ENTHD1: variants seen among roughly 807,000 people sequenced by gnomAD.
The protein encoded by ENTHD1 is ENTH domain-containing protein 1.
Under a neutral mutation model 39.1 loss-of-function variants are expected in ENTHD1, and 23 were observed. That is an observed-to-expected ratio of 0.59 (90% CI 0.42 to 0.83). ENTHD1 has a LOEUF of 0.83. ENTHD1 is among the 40% of genes least tolerant of loss of function. The pLI is 0.00. For synonymous variants in ENTHD1, 230 were observed against 258.2 expected, an observed-to-expected ratio of 0.89 and a Z score of 1.05; for missense variants, 624 against 705.4, an observed-to-expected ratio of 0.88 and a Z score of 1.31.
chr22:39,866,722 C>T (rs957160582), intron 2 of ENTHD1, among the ~76,000 whole-genome samples: 3 of 152,254 alleles, frequency 2.0e-5, no homozygotes, highest in Non-Finnish European at 4.4e-5. Context: ...CAGTACCTTA[C>T]CCTTGTCCTT....
intron 2 of ENTHD1, among the ~76,000 whole-genome samples, chr22:39,877,364 G>T (rs1241404557): frequency 6.6e-6 from 1 of 152,196 alleles, no homozygotes; most frequent in Non-Finnish European, 1.5e-5. Flanking sequence ...AAAAGTTGGA[G>T]TCGCCACTCC....
chr22:39,837,435 ATCT>A (rs1569161407), intron 3 of ENTHD1, among the ~76,000 whole-genome samples: 2 of 152,174 alleles, frequency 1.3e-5, no homozygotes, highest in Non-Finnish European at 2.9e-5. Flanking sequence ...AGAAAGGCAT[ATCT>A]TCACCCATCT....
chr22:39,842,856 A>G (rs1277756898), intron 3 of ENTHD1, among the ~76,000 whole-genome samples: 1 of 148,598 alleles, frequency 6.7e-6, no homozygotes, highest in Non-Finnish European at 1.5e-5. Flanking sequence ...AACACATGAA[A>G]AAATGCTCAT....
chr22:39,827,250 C>G lies in ENTHD1; in HGVS notation c.712-6137G>C, dbSNP rs369341060. 1.1e-3 allele frequency among the ~76,000 whole-genome samples: 168 copies of G among 152,124 alleles called. 4 individuals are homozygous for G. The East Asian group carries it at 0.024, about 22-fold the overall frequency. ...CAGGATGGTCTCGATCTTCTGACCTCGTGATCCACCCGCCTCAGCCTCTCA... is the reference window on the plus strand; with the variant it reads ...CAGGATGGTCTCGATCTTCTGACCTGGTGATCCACCCGCCTCAGCCTCTCA... On this transcript the variant is annotated intron_variant, in intron 4 of 6. Transcript: ENST00000325157.
At chr22:39,845,029 A>C (rs974151935) in intron 3 of ENTHD1, among the ~76,000 whole-genome samples, 1 of 151,934 alleles carries the variant, frequency 6.6e-6, no homozygotes, top group African/African-American at 2.4e-5. Flanking sequence ...ATTCTAAAGA[A>C]GACCATACAT....
rs138328900 is a variant in ENTHD1, at chr22:39,833,106, C to T, written c.711+2734G>A. Among the ~76,000 whole-genome samples the T allele has an allele frequency of 6.6e-4, 100 of 152,222 alleles. 1 individual carries two copies. The highest frequency in any genetic ancestry group is 2.3e-3 in the African/African-American group (97 of 41,506). ...GGTTTGCAATTTAAGAAGTGTCTCC[C>T]CCTAAGGCTACTTCTTCTTGGGGTA... On this transcript the variant is annotated intron_variant, in intron 4 of 6. Coordinates refer to ENST00000325157, the MANE Select transcript of ENTHD1 (RefSeq NM_152512.4).
chr22:39,778,462 CA>C (rs1220765447), intron 5 of ENTHD1, among the ~76,000 whole-genome samples: 1 of 152,168 alleles, frequency 6.6e-6, no homozygotes, highest in Non-Finnish European at 1.5e-5. Context: ...AACTTCGACA[CA>C]GAGTAAAAAT....
chr22:39,850,129 A>T (rs558807084), intron 3 of ENTHD1, among the ~76,000 whole-genome samples: 4 of 152,306 alleles, frequency 2.6e-5, no homozygotes, highest in Admixed American at 6.5e-5. Flanking sequence ...AATCCATATT[A>T]AAAAAAGTTT....
intron 2 of ENTHD1, chr22:39,876,136 G>C: frequency 6.4e-7 from 1 of 1,562,826 alleles, no homozygotes; most frequent in Non-Finnish European, 8.7e-7. Flanking sequence ...TCAAGTCATA[G>C]GCTTCTTTCA....
chr22:39,763,248 T>C lies in ENTHD1; in HGVS notation c.1219+1975A>G, dbSNP rs150596014. ...CTCCAACATTTGTTTCCTTGTATCA[T>C]CAGAATCATCAGAATCTCTGCATAG... On this transcript the variant is annotated intron_variant, in intron 6 of 6. Coordinates refer to ENST00000325157, the MANE Select transcript of ENTHD1 (RefSeq NM_152512.4). 2.6e-3 allele frequency among the ~76,000 whole-genome samples: 394 copies of C among 152,312 alleles called. 2 individuals are homozygous for C. Among genetic ancestry groups the C allele is most frequent in the African/African-American group, 9.0e-3 (376 of 41,576 alleles).
chr22:39,783,488 C>T (rs79573327), intron 5 of ENTHD1, among the ~76,000 whole-genome samples: 1 of 152,216 alleles, frequency 6.6e-6, no homozygotes, highest in South Asian at 2.1e-4. Flanking sequence ...ATCACACTAC[C>T]TCACTTTAAA....
At position 39,887,910 on chromosome 22, in the gene ENTHD1, G is replaced by A; in HGVS notation, c.-155-7C>T. ...TTGATAAAGTATCAATTTCCTGCAA[G>A]GAAAGCACAAAAAAATTTACATTAA... On this transcript the variant is annotated splice_region_variant and splice_polypyrimidine_tract_variant and intron_variant, in intron 1 of 6. Transcript: ENST00000325157. 3.7e-6 allele frequency: 2 copies of A among 536,632 alleles called. No homozygotes were observed. The highest frequency in any genetic ancestry group is 6.3e-6 in the Non-Finnish European group (2 of 319,464). The allele number at this position is 536,632 out of a possible 1,614,324, so 33.2% of individuals were successfully genotyped here.
At chr22:39,826,426 T>C (rs1413665038) in intron 4 of ENTHD1, among the ~76,000 whole-genome samples, 1 of 152,164 alleles carries the variant, frequency 6.6e-6, no homozygotes, top group Non-Finnish European at 1.5e-5. Flanking sequence ...TGTTTTCAAT[T>C]TCATTAATTT....
In ENTHD1 at chr22:39,812,171, A is replaced by G. The variant is rs1244975322; in HGVS notation, c.832+8822T>C. Among the ~76,000 whole-genome samples the G allele has an allele frequency of 3.3e-5, 5 of 152,238 alleles. 1 individual carries two copies. Among genetic ancestry groups the G allele is most frequent in the Admixed American group, 2.6e-4 (4 of 15,296 alleles). On this transcript the variant is annotated intron_variant, in intron 5 of 6. Coordinates refer to ENST00000325157, the MANE Select transcript of ENTHD1 (RefSeq NM_152512.4). ...CTTCATGGATAATTCTCTATTGTCA[A>G]TCAAAAGGAGTATGTATAGGATTGG... is the stretch of plus-strand genomic sequence containing the variant.
At chr22:39,864,553 G>A (rs1569173727) in intron 2 of ENTHD1, among the ~76,000 whole-genome samples, 1 of 151,994 alleles carries the variant, frequency 6.6e-6, no homozygotes, top group Admixed American at 6.5e-5. Flanking sequence ...AAAAATATAA[G>A]CTCCATGAGG....
chr22:39,873,506 T>A (rs1442116419), intron 2 of ENTHD1, among the ~76,000 whole-genome samples: 1 of 152,220 alleles, frequency 6.6e-6, no homozygotes, highest in Non-Finnish European at 1.5e-5. Context: ...TATGACTAAA[T>A]ATCAGGATAT....
At chr22:39,857,252 G>GACCA (rs2066099147) in intron 3 of ENTHD1, among the ~76,000 whole-genome samples, 2 of 151,870 alleles carry the variant, frequency 1.3e-5, no homozygotes, top group South Asian at 4.2e-4. Context: ...AGACCACCCT[G>GACCA]ACCAACATGA....
In ENTHD1 at chr22:39,888,866, C is replaced by A. The variant is rs78249497; in HGVS notation, c.-155-963G>T. ...GATTTCAGGCATCTCTTTATATTGTCACATATAAAAATATTATATTCTGAG... is the reference window on the plus strand; with the variant it reads ...GATTTCAGGCATCTCTTTATATTGTAACATATAAAAATATTATATTCTGAG... On this transcript the variant is annotated intron_variant, in intron 1 of 6. Transcript: ENST00000325157. Among the ~76,000 whole-genome samples, 989 of 152,270 alleles carry A rather than the reference C, an allele frequency of 6.5e-3. 10 individuals are homozygous for A. Among genetic ancestry groups the A allele is most frequent in the African/African-American group, 0.023 (945 of 41,534 alleles).
chr22:39,783,408 T>G (rs906393981), intron 5 of ENTHD1, among the ~76,000 whole-genome samples: 1 of 152,094 alleles, frequency 6.6e-6, no homozygotes, highest in Non-Finnish European at 1.5e-5. Flanking sequence ...AATCCTAAAA[T>G]TTATATGGAA....
Sources: allele counts gnomAD v4.1 joint callset (sites outside exome capture counted in the v4.1 genomes callset), GRCh38; gene constraint gnomAD v4.1.1; transcripts MANE v1.5; gene names NCBI Gene and HGNC (gene_info 2026-07-23, HGNC 2026-07-21).